The following USP46 variants were observed in gnomAD, a reference collection of about 807,000 sequenced individuals.
USP46 encodes the protein ubiquitin specific peptidase 46, also known as ubiquitin carboxyl-terminal hydrolase 46.
A neutral mutation model predicts 44.4 loss-of-function variants in USP46; 12 were observed. That is an observed-to-expected ratio of 0.27 (90% CI 0.17 to 0.44). The LOEUF is 0.44. Ranked by LOEUF, USP46 falls within the 20% of genes least tolerant of loss-of-function variation. The pLI is 1.00. For missense variants in USP46, 248 were observed against 444.8 expected (o/e 0.56, Z 3.98); for synonymous variants, 155 against 161.5 (o/e 0.96, Z 0.31).
intron 1 of USP46, among the ~76,000 whole-genome samples, chr4:52,644,914 G>A (rs967495839): frequency 2.0e-5 from 3 of 151,860 alleles, no homozygotes; most frequent in South Asian, 2.1e-4. Flanking sequence ...AAAATTAGCC[G>A]GGCGTGGTGG....
In USP46 at chr4:52,632,918, G is replaced by GAGAAAGGAAGAAAGAAAGAAAGAAAGAA. The variant is rs1717900632; in HGVS notation, c.37-1775_37-1774insTTCTTTCTTTCTTTCTTTCTTCCTTTCT. Among the ~76,000 whole-genome samples, 9 of 35,172 alleles carry GAGAAAGGAAGAAAGAAAGAAAGAAAGAA rather than the reference G, an allele frequency of 2.6e-4. 1 individual carries two copies. The highest frequency in any genetic ancestry group is 5.7e-4 in the Non-Finnish European group (9 of 15,880). The allele number at this position is 35,172 out of a possible 152,430, so 23.1% of individuals were successfully genotyped here. A position where few individuals can be genotyped will look rare whatever the true frequency, so the allele number is the denominator to read the frequency against. ...AGGAAGGGAAAGAGAAAGAAAGAAA[G>GAGAAAGGAAGAAAGAAAGAAAGAAAGAA]AGAAAGAAAGAAAGAAAGAAAGAAA... On this transcript the variant is annotated intron_variant, in intron 1 of 8. Coordinates refer to ENST00000441222, the MANE Select transcript of USP46 (RefSeq NM_022832.4).
chr4:52,603,809 C>T (rs1288145470), intron 6 of USP46, among the ~76,000 whole-genome samples: 1 of 152,070 alleles, frequency 6.6e-6, no homozygotes, highest in Non-Finnish European at 1.5e-5. Context: ...CTCAGCCTCC[C>T]GAGTAGGTGG....
intron 3 of USP46, among the ~76,000 whole-genome samples, chr4:52,627,272 C>G (rs545609215): frequency 2.0e-5 from 3 of 152,130 alleles, no homozygotes; most frequent in Admixed American, 2.0e-4. Flanking sequence ...AAAACAAATA[C>G]CTGATTAACC....
intron 4 of USP46, among the ~76,000 whole-genome samples, chr4:52,617,838 T>C (rs1246012406): frequency 6.6e-6 from 1 of 152,150 alleles, no homozygotes; most frequent in East Asian, 1.9e-4. Flanking sequence ...AAATACAGCT[T>C]GTCTCCAAGG....
At position 52,597,367 on chromosome 4, in the gene USP46, G is replaced by A; in HGVS notation, c.*273C>T. The A allele has an allele frequency of 2.9e-6, 1 of 342,588 alleles. No individual in the cohort carries two copies. The highest frequency in any genetic ancestry group is 3.5e-5 in the South Asian group (1 of 28,318). 21.2% of individuals were successfully genotyped at this position (342,588 alleles called of 1,614,324 possible). A position where few individuals can be genotyped will look rare whatever the true frequency, so the allele number is the denominator to read the frequency against. ...CTAATACAGCCAGACATAATGAATG[G>A]CATAGCTTTCACCCAGTCCTAAAAT... On this transcript the variant is annotated 3_prime_UTR_variant, in exon 9 of 9. Transcript: ENST00000441222.
chr4:52,629,576 A>G, intron 2 of USP46: 1 of 456,254 alleles, frequency 2.2e-6, no homozygotes, highest in Non-Finnish European at 4.4e-6. Flanking sequence ...ACAATGCCCT[A>G]TATTCCAGGG....
rs755930918 is a variant in USP46 at position 52,597,721 on chromosome 4, A to C, written c.1020T>G (p.Ile340Met). ...CTGACGTCAGGCCATAGAATTCTTC[A>C]ATAGCTTGAGCATCTATTTTCTGCA... ...DIVEKIDAQAIEEFYGLTSDI... is the reference protein window; with the variant it reads ...DIVEKIDAQAMEEFYGLTSDI... The change falls in exon 9 of 9, where the codon ATT becomes ATG. Residue 340 changes from isoleucine (I) to methionine (M), a missense_variant. Ile to Met is a conservative substitution (Grantham distance 10). Transcript: ENST00000441222. 9 of 1,601,634 alleles carry C rather than the reference A, an allele frequency of 5.6e-6. No individual in the cohort carries two copies. The highest frequency in any genetic ancestry group is 7.7e-6 in the Non-Finnish European group (9 of 1,174,102).
intron 1 of USP46, among the ~76,000 whole-genome samples, chr4:52,634,632 C>A (rs1039249993): frequency 2.0e-5 from 3 of 152,018 alleles, no homozygotes; most frequent in Non-Finnish European, 4.4e-5. Context: ...ACCATGTTGG[C>A]CAGGCTGGTC....
At chr4:52,633,986 C>A (rs56194644) in intron 1 of USP46, among the ~76,000 whole-genome samples, 14,521 of 152,272 alleles carry the variant, frequency 0.095, 730 homozygotes, top group Non-Finnish European at 0.11. Flanking sequence ...AACACTTCCT[C>A]AACACCCCTC....
chr4:52,618,990 A>G (rs1050121979), intron 4 of USP46, among the ~76,000 whole-genome samples: 1 of 152,232 alleles, frequency 6.6e-6, no homozygotes, highest in African/African-American at 2.4e-5. Flanking sequence ...AGATTTGTAG[A>G]GCAAAAGCTC....
intron 4 of USP46, among the ~76,000 whole-genome samples, chr4:52,613,287 T>C (rs1048822814): frequency 6.6e-6 from 1 of 152,198 alleles, no homozygotes; most frequent in East Asian, 1.9e-4. Context: ...ATGCATGGAA[T>C]ACACACAAAG....
chr4:52,623,429 G>A (rs2109625058), intron 4 of USP46, among the ~76,000 whole-genome samples: 1 of 152,212 alleles, frequency 6.6e-6, no homozygotes, highest in Non-Finnish European at 1.5e-5. Flanking sequence ...AAAAGACAGA[G>A]GGCGATAAAG....
chr4:52,643,889 G>A lies in USP46; in HGVS notation c.37-12745C>T, dbSNP rs1410107784. On this transcript the variant is annotated intron_variant, in intron 1 of 8. Coordinates refer to ENST00000441222, the MANE Select transcript of USP46 (RefSeq NM_022832.4). ...AATTCGGTTCCTGAGTCTGAGCTCT[G>A]GACCACAAGCCAGGAGAGGAGATAT... 2.0e-5 allele frequency among the ~76,000 whole-genome samples: 3 copies of A among 152,158 alleles called. No homozygotes were observed. The East Asian group carries it at 5.8e-4, about 29-fold the overall frequency.
Position 52,595,773 on chromosome 4 carries a change from T to C in USP46, c.*1867A>G, listed in dbSNP as rs1202388705. On this transcript the variant is annotated 3_prime_UTR_variant, in exon 9 of 9. Coordinates refer to ENST00000441222, the MANE Select transcript of USP46 (RefSeq NM_022832.4). Reference sequence around the variant, plus strand: ...GACCAACCATCATGTTCTTAAAACTTTGTAACTTGCAGTCAAATATATGGA... The same window carrying C: ...GACCAACCATCATGTTCTTAAAACTCTGTAACTTGCAGTCAAATATATGGA... 1 of 152,226 alleles carries C rather than the reference T, an allele frequency of 6.6e-6. No homozygotes were observed. The highest frequency in any genetic ancestry group is 1.5e-5 in the Non-Finnish European group (1 of 68,046). The allele number at this position is 152,226 out of a possible 1,614,324, so 9.4% of individuals were successfully genotyped here.
rs66817554 is a variant in USP46, at chr4:52,609,898, CTTTTTTTTTTTTTTTTTTTTTTTTTTTT to C, written c.638+615_638+642del. Reference sequence around the variant, plus strand: ...GGAAACCTAAACCTCAATTCTATTTCTTTTTTTTTTTTTTTTTTTTTTTTTTTTTTTTTTTTTTTTTTTTTGAGGCGGA... The same window carrying C: ...GGAAACCTAAACCTCAATTCTATTTCTTTTTTTTTTTTTTTTTGAGGCGGA... On this transcript the variant is annotated intron_variant, in intron 5 of 8. Transcript: ENST00000441222. 8.4e-3 allele frequency among the ~76,000 whole-genome samples: 206 copies of C among 24,596 alleles called. 1 individual carries two copies. Among genetic ancestry groups the C allele is most frequent in the African/African-American group, 0.021 (162 of 7,554 alleles). The allele number at this position is 24,596 out of a possible 152,430, so 16.1% of individuals were successfully genotyped here. A position where few individuals can be genotyped will look rare whatever the true frequency, so the allele number is the denominator to read the frequency against.
rs910001559 is a variant in USP46 at position 52,659,224 on chromosome 4, T to TGGCGGGGA, written c.-82_-75dup. 4.7e-4 allele frequency: 591 copies of TGGCGGGGA among 1,267,564 alleles called. No individual in the cohort carries two copies. Among genetic ancestry groups the TGGCGGGGA allele is most frequent in the Non-Finnish European group, 5.6e-4 (550 of 977,746 alleles). 78.5% of individuals were successfully genotyped at this position (1,267,564 alleles called of 1,614,324 possible). On this transcript the variant is annotated 5_prime_UTR_variant, in exon 1 of 9. Coordinates refer to ENST00000441222, the MANE Select transcript of USP46 (RefSeq NM_022832.4). This position sits in a 1 kb window ranked among gnomAD's most constrained non-coding sequence, Gnocchi z 4.2. Reference sequence around the variant, plus strand: ...ACCGGGACTGCCCATGGTGGCGCGCTGGCGGGGAGGCCGGGCGGCAGCGCG... The same window carrying TGGCGGGGA: ...ACCGGGACTGCCCATGGTGGCGCGCTGGCGGGGAGGCGGGGAGGCCGGGCGGCAGCGCG...
chr4:52,615,364 G>A (rs59521497), intron 4 of USP46, among the ~76,000 whole-genome samples: 2,020 of 152,234 alleles, frequency 0.013, 45 homozygotes, highest in African/African-American at 0.046. Flanking sequence ...AAGAGTTAGC[G>A]TAAGTTTGTA....
chr4:52,638,899 C>T (rs1183760475), intron 1 of USP46, among the ~76,000 whole-genome samples: 1 of 151,976 alleles, frequency 6.6e-6, no homozygotes, highest in Non-Finnish European at 1.5e-5. Context: ...ATAAGCGGTA[C>T]CCTTCACCAC....
intron 4 of USP46, among the ~76,000 whole-genome samples, chr4:52,625,462 A>T (rs1049096659): frequency 6.6e-6 from 1 of 152,198 alleles, no homozygotes; most frequent in African/African-American, 2.4e-5. Flanking sequence ...CATGCTCTGG[A>T]GAACATGTCT....
Sources: allele counts gnomAD v4.1 joint callset (sites outside exome capture counted in the v4.1 genomes callset), GRCh38; gene constraint gnomAD v4.1.1; non-coding constraint Gnocchi (gnomAD v3.1); transcripts MANE v1.5; gene names NCBI Gene and HGNC (gene_info 2026-07-23, HGNC 2026-07-21).